Variants in NRXN3 observed in about 807,000 individuals in gnomAD.
The protein encoded by NRXN3 is neurexin 3, also known as neurexin III.
Under a neutral mutation model 137.6 loss-of-function variants are expected in NRXN3, and 32 were observed. That is an observed-to-expected ratio of 0.23 (90% CI 0.18 to 0.31). The LOEUF (loss-of-function observed/expected upper bound fraction) is 0.31. NRXN3 is among the 10% of genes least tolerant of loss of function. The probability of loss-of-function intolerance (pLI) is 1.00; values close to 1 mark genes in which losing one functional copy is unlikely to be tolerated. For synonymous variants in NRXN3, 798 were observed against 784.5 expected, an observed-to-expected ratio of 1.02 and a Z score of -0.29; for missense variants, 1,574 against 2,062.5, an observed-to-expected ratio of 0.76 and a Z score of 4.59.
intron 6 of NRXN3, chr14:78,708,651 A>G (rs1239021556): frequency 6.5e-6 from 1 of 152,882 alleles, no homozygotes. Flanking sequence ...TGGAGCATAT[A>G]TACATATAAT....
intron 15 of NRXN3, among the ~76,000 whole-genome samples, chr14:79,106,509 AAAAG>A (rs1415735479): frequency 6.6e-6 from 1 of 152,162 alleles, no homozygotes; most frequent in African/African-American, 2.4e-5. Context: ...GTGCATTAAA[AAAAG>A]AGCAAAACAA....
At chr14:78,726,971 A>AAAAAC (rs2098487421) in intron 8 of NRXN3, among the ~76,000 whole-genome samples, 1 of 151,788 alleles carries the variant, frequency 6.6e-6, no homozygotes. Flanking sequence ...AAAAAAAAAA[A>AAAAAC]AAAAAAACCT....
intron 8 of NRXN3, among the ~76,000 whole-genome samples, chr14:78,733,806 G>T (rs1358344387): frequency 1.3e-5 from 2 of 152,146 alleles, no homozygotes; most frequent in African/African-American, 4.8e-5. Flanking sequence ...CATTCAGAGA[G>T]TATTTATTGA....
intron 17 of NRXN3, among the ~76,000 whole-genome samples, chr14:79,667,735 A>T (rs1488931949): frequency 6.6e-6 from 1 of 152,090 alleles, no homozygotes; most frequent in East Asian, 1.9e-4. Flanking sequence ...CCAGGCACTG[A>T]CAAATGTTCC....
intron 6 of NRXN3, among the ~76,000 whole-genome samples, chr14:78,672,784 C>G (rs1461591051): frequency 6.6e-6 from 1 of 152,028 alleles, no homozygotes; most frequent in Non-Finnish European, 1.5e-5. Context: ...TTCAGTATCT[C>G]ATGAAAGAAA....
rs1023621 is a variant in NRXN3 at position 78,866,565 on chromosome 14, T to C, written c.2275+56221T>C. On this transcript the variant is annotated intron_variant, in intron 10 of 20. Transcript: ENST00000335750. The stretch of plus-strand genomic sequence containing the variant: ...GAAAATAAGAAGTCTGCATTCATTT[T>C]CTTGATTAGACTGCAAAGTAGTACA... Among the ~76,000 whole-genome samples, 366 of 152,242 alleles carry C rather than the reference T, an allele frequency of 2.4e-3. 4 individuals carry two copies. In the East Asian group the frequency reaches 0.028, roughly 12 times the overall value.
chr14:78,491,377 T>G (rs1177749464), intron 4 of NRXN3, among the ~76,000 whole-genome samples: 4 of 151,872 alleles, frequency 2.6e-5, no homozygotes, highest in African/African-American at 7.3e-5. Context: ...CCAGAGGGAG[T>G]TGGGGCAGGG....
chr14:78,431,405 G>A (rs1350302028), intron 4 of NRXN3, among the ~76,000 whole-genome samples: 1 of 152,186 alleles, frequency 6.6e-6, no homozygotes, highest in East Asian at 1.9e-4. Context: ...GTTCCCTAAG[G>A]GTATGGCAAT....
intron 2 of NRXN3, among the ~76,000 whole-genome samples, chr14:78,258,036 C>A (rs907107495): frequency 6.6e-5 from 10 of 152,184 alleles, no homozygotes; most frequent in African/African-American, 2.4e-4. Context: ...CTGTCACATA[C>A]TAAACTGCAA....
chr14:78,702,768 C>T (rs2098299896), intron 6 of NRXN3, among the ~76,000 whole-genome samples: 1 of 152,102 alleles, frequency 6.6e-6, no homozygotes, highest in African/African-American at 2.4e-5. Flanking sequence ...TTAATGACTC[C>T]ATGCTATACT....
intron 20 of NRXN3, among the ~76,000 whole-genome samples, chr14:79,854,582 C>G (rs1321497661): frequency 6.6e-6 from 1 of 152,162 alleles, no homozygotes; most frequent in Non-Finnish European, 1.5e-5. Context: ...CAAAGAAAGC[C>G]TGGCCTCTTT....
chr14:78,923,823 T>C (rs1307931286), intron 10 of NRXN3, among the ~76,000 whole-genome samples: 1 of 152,244 alleles, frequency 6.6e-6, no homozygotes, highest in African/African-American at 2.4e-5. Flanking sequence ...AATGCTACTA[T>C]AATCTTCCAA....
chr14:79,781,605 C>A (rs1357250098), intron 19 of NRXN3, among the ~76,000 whole-genome samples: 2 of 152,140 alleles, frequency 1.3e-5, no homozygotes, highest in Admixed American at 1.3e-4. Context: ...AGAACTTGAT[C>A]CTGTTTTCTT....
chr14:79,095,947 T>C (rs2050235005), intron 15 of NRXN3, among the ~76,000 whole-genome samples: 1 of 152,172 alleles, frequency 6.6e-6, no homozygotes, highest in Non-Finnish European at 1.5e-5. Flanking sequence ...GTACTTCCTA[T>C]GCTGGATGCT....
intron 19 of NRXN3, among the ~76,000 whole-genome samples, chr14:79,724,806 G>A (rs1488453667): frequency 6.6e-6 from 1 of 152,100 alleles, no homozygotes; most frequent in East Asian, 1.9e-4. Flanking sequence ...GCCCTTCAGA[G>A]CCTCATAAGT....
intron 15 of NRXN3, among the ~76,000 whole-genome samples, chr14:79,267,808 G>A (rs2078674758): frequency 6.6e-6 from 1 of 152,186 alleles, no homozygotes; most frequent in Non-Finnish European, 1.5e-5. Context: ...ACTATTGGGA[G>A]TATTTTAAAA....
chr14:79,543,334 A>T (rs2097291172), intron 16 of NRXN3, among the ~76,000 whole-genome samples: 1 of 152,228 alleles, frequency 6.6e-6, no homozygotes, highest in Non-Finnish European at 1.5e-5. Flanking sequence ...GACCAATTGC[A>T]CACAGTGTCT....
chr14:79,343,160 G>A (rs2092699121), intron 15 of NRXN3, among the ~76,000 whole-genome samples: 1 of 152,108 alleles, frequency 6.6e-6, no homozygotes, highest in African/African-American at 2.4e-5. Flanking sequence ...GCAGTTTAGG[G>A]AGCATCACAG....
At chr14:79,629,944 A>G (rs148813973) in intron 16 of NRXN3, among the ~76,000 whole-genome samples, 1 of 152,262 alleles carries the variant, frequency 6.6e-6, no homozygotes, top group East Asian at 1.9e-4. Flanking sequence ...GAATAATTAA[A>G]GAGTAAGGGG....
Sources: allele counts gnomAD v4.1 joint callset (sites outside exome capture counted in the v4.1 genomes callset), GRCh38; gene constraint gnomAD v4.1.1; transcripts MANE v1.5; gene names NCBI Gene and HGNC (gene_info 2026-07-23, HGNC 2026-07-21).